The following COPA variants were observed in gnomAD, a reference collection of about 807,000 sequenced individuals.
COPA encodes coat protein complex I subunit alpha.
COPA carries 10 observed loss-of-function variants against 158.7 expected under a neutral mutation model. The observed-to-expected ratio is 0.06, with a 90% confidence interval of 0.04 to 0.11. COPA has a LOEUF of 0.11. COPA is among the 10% of genes least tolerant of loss of function. The pLI, the probability that COPA is intolerant of heterozygous loss-of-function variation, is 1.00. For synonymous variants in COPA, 462 were observed against 542.8 expected, an observed-to-expected ratio of 0.85 and a Z score of 2.07; for missense variants, 1,065 against 1,536.7, an observed-to-expected ratio of 0.69 and a Z score of 5.13.
intron 14 of COPA, 95 bp from the exon 15 acceptor site, chr1:160,306,588 A>C (rs1368133929): frequency 1.3e-6 from 2 of 1,481,782 alleles, no homozygotes; most frequent in African/African-American, 2.8e-5. Context: ...CCTTAGCTTC[A>C]ATTAACTAAG....
At chr1:160,294,994 T>C (rs772752420) in intron 23 of COPA, 137 bp from the exon 24 acceptor site, 2 of 673,300 alleles carry the variant, frequency 3.0e-6, no homozygotes, top group Non-Finnish European at 5.1e-6. Context: ...TTGTGTATTA[T>C]TTATTTTTGT....
chr1:160,326,720 G>A (rs1647236449), intron 6 of COPA, among the ~76,000 whole-genome samples: 1 of 152,142 alleles, frequency 6.6e-6, no homozygotes, highest in Non-Finnish European at 1.5e-5. Flanking sequence ...TTGACTCTTG[G>A]ACGAAGAACA....
intron 29 of COPA, 28 bp from the exon 30 acceptor site, chr1:160,291,957 C>G (rs1470725747): frequency 1.9e-6 from 3 of 1,614,000 alleles, no homozygotes; most frequent in African/African-American, 1.3e-5. Context: ...GGTCAGGATA[C>G]AGAGACAAGA....
At chr1:160,336,088 G>A (rs1408090028) in intron 3 of COPA, among the ~76,000 whole-genome samples, 1 of 148,634 alleles carries the variant, frequency 6.7e-6, no homozygotes, top group Non-Finnish European at 1.5e-5. Flanking sequence ...GCTCATACCT[G>A]TAATCCCAGC....
rs1658241980 is a variant in COPA, at chr1:160,291,802, G to A, written c.3258+17C>T. The A allele has an allele frequency of 1.2e-6, 2 of 1,610,172 alleles. No homozygotes were observed. Among genetic ancestry groups the A allele is most frequent in the South Asian group, 1.1e-5 (1 of 90,998 alleles). ...GGAAGGACGTCTCTGTTGTGCTCAG[G>A]GTCCTATAGATCTTACCTCACAGAT... is the stretch of plus-strand genomic sequence containing the variant. On this transcript the variant is annotated intron_variant, in intron 30 of 32. Transcript: ENST00000241704.
At chr1:160,338,965 G>A (rs1647908944) in intron 3 of COPA, among the ~76,000 whole-genome samples, 1 of 151,980 alleles carries the variant, frequency 6.6e-6, no homozygotes, top group Admixed American at 6.6e-5. Context: ...TGTCCCTTAG[G>A]TCCCTCAAAA....
intron 8 of COPA, among the ~76,000 whole-genome samples, chr1:160,314,715 T>C (rs1659078817): frequency 1.3e-5 from 2 of 152,218 alleles, no homozygotes; most frequent in South Asian, 4.1e-4. Flanking sequence ...AGTTGGCCTT[T>C]CAATTTTTGT....
chr1:160,295,952 C>G (rs1658387966), intron 22 of COPA, 93 bp from the exon 23 acceptor site: 2 of 1,578,208 alleles, frequency 1.3e-6, no homozygotes. Context: ...ATTTGTTTCT[C>G]TGCCTCTCCT....
intron 16 of COPA, 28 bp downstream of exon 16, chr1:160,305,660 A>T: frequency 6.2e-7 from 1 of 1,614,068 alleles, no homozygotes; most frequent in East Asian, 2.2e-5. Flanking sequence ...ATGGTCTCTA[A>T]ATCAGGGTGG....
rs1446425394 is a variant in COPA, at chr1:160,343,108, T to C, written c.40+23A>G. 2.5e-6 allele frequency: 4 copies of C among 1,614,022 alleles called. No individual in the cohort carries two copies. The South Asian group carries it at 3.3e-5, about 13-fold the overall frequency. On this transcript the variant is annotated intron_variant, in intron 1 of 32. Coordinates refer to ENST00000241704, the MANE Select transcript of COPA (RefSeq NM_004371.4). ...CCGCTCCTGACATCCAACCTCCATGTTCCCCCTTTTATTCTCCACTACCTT... is the reference window on the plus strand; with the variant it reads ...CCGCTCCTGACATCCAACCTCCATGCTCCCCCTTTTATTCTCCACTACCTT...
chr1:160,341,393 A>G (rs1216429161), intron 1 of COPA, among the ~76,000 whole-genome samples: 1 of 152,242 alleles, frequency 6.6e-6, no homozygotes, highest in Non-Finnish European at 1.5e-5. Flanking sequence ...GGACAAATGT[A>G]CTACACTTAT....
intron 8 of COPA, among the ~76,000 whole-genome samples, chr1:160,315,639 T>G (rs1337025300): frequency 2.6e-5 from 4 of 152,160 alleles, no homozygotes. Context: ...GCTAAGCAAA[T>G]ATATCCAATA....
intron 21 of COPA, 127 bp downstream of exon 21, chr1:160,297,216 A>G: frequency 3.7e-6 from 3 of 804,220 alleles, no homozygotes; most frequent in Non-Finnish European, 6.1e-6. Context: ...CAGTAGGAGC[A>G]TGTTGTCTCT....
intron 11 of COPA, 49 bp downstream of exon 11, chr1:160,311,819 C>T: frequency 6.5e-7 from 1 of 1,541,134 alleles, no homozygotes; most frequent in Non-Finnish European, 8.8e-7. Context: ...GGAGTTGTAT[C>T]AGGGTGACAG....
chr1:160,304,650 C>T (rs1249344224), intron 17 of COPA, among the ~76,000 whole-genome samples: 2 of 151,602 alleles, frequency 1.3e-5, no homozygotes, highest in Admixed American at 6.6e-5. Flanking sequence ...GGCGAGACTC[C>T]GTTTCAGAAA....
intron 8 of COPA, among the ~76,000 whole-genome samples, chr1:160,319,115 G>T (rs935481334): frequency 6.6e-6 from 1 of 152,014 alleles, no homozygotes; most frequent in African/African-American, 2.4e-5. Context: ...AAAGAGAGAA[G>T]ACCTAACTAT....
chr1:160,292,432 A>C, intron 28 of COPA, 52 bp downstream of exon 28: 1 of 1,609,124 alleles, frequency 6.2e-7, no homozygotes, highest in Non-Finnish European at 8.5e-7. Flanking sequence ...CTACCATCTG[A>C]AATATCGACC....
chr1:160,310,174 G>A lies in COPA; in HGVS notation c.1143+18C>T. The A allele has an allele frequency of 1.3e-6, 2 of 1,510,390 alleles. No individual in the cohort carries two copies. The highest frequency in any genetic ancestry group is 1.8e-6 in the Non-Finnish European group (2 of 1,119,170). 93.6% of individuals were successfully genotyped at this position (1,510,390 alleles called of 1,614,324 possible). A position where few individuals can be genotyped will look rare whatever the true frequency, so the allele number is the denominator to read the frequency against. The stretch of plus-strand genomic sequence containing the variant: ...TGGAAAATGAGGAGAACCTAGGAGG[G>A]CTCCACAGGTTACTTACTGTACAAA... On this transcript the variant is annotated intron_variant, in intron 12 of 32. Transcript: ENST00000241704.
chr1:160,301,766 C>T lies in COPA; in HGVS notation c.1668-2502G>A, dbSNP rs181308106. Among the ~76,000 whole-genome samples the T allele has an allele frequency of 4.5e-3, 679 of 151,288 alleles. 3 individuals carry two copies. The highest frequency in any genetic ancestry group is 6.4e-3 in the Admixed American group (98 of 15,218). Reference sequence around the variant, plus strand: ...ATGGGCAACAGAGTGAGACTCTCTGCCAAAAATAGTTAAATTACATTAATT... The same window carrying T: ...ATGGGCAACAGAGTGAGACTCTCTGTCAAAAATAGTTAAATTACATTAATT... On this transcript the variant is annotated intron_variant, in intron 17 of 32. Coordinates refer to ENST00000241704, the MANE Select transcript of COPA (RefSeq NM_004371.4).
Sources: gnomAD v4.1 joint callset for allele counts (sites outside exome capture counted in the v4.1 genomes callset) on GRCh38, gnomAD v4.1.1 for gene constraint, MANE v1.5 for transcripts, NCBI Gene and HGNC (gene_info 2026-07-23, HGNC 2026-07-21) for gene names.